CAMK1D: variants seen among roughly 807,000 people sequenced by gnomAD.
The protein encoded by CAMK1D is calcium/calmodulin-dependent protein kinase type 1D.
CAMK1D carries 9 observed loss-of-function variants against 47.7 expected under a neutral mutation model. The ratio of observed to expected loss-of-function variants is 0.19; its 90% CI spans 0.11 to 0.33. The LOEUF is 0.33. Among genes scored for constraint, CAMK1D ranks in the 10% least tolerant of loss-of-function variants. The pLI, the probability that CAMK1D is intolerant of heterozygous loss-of-function variation, is 1.00. For missense variants in CAMK1D, 291 were observed against 488.7 expected (o/e 0.60, Z 3.81); for synonymous variants, 184 against 184.9 (o/e 0.99, Z 0.04).
intron 1 of CAMK1D, among the ~76,000 whole-genome samples, chr10:12,469,931 T>C (rs1044625625): frequency 6.6e-6 from 1 of 152,218 alleles, no homozygotes; most frequent in African/African-American, 2.4e-5. Flanking sequence ...TATCGAACAC[T>C]TTATCAGGGC....
chr10:12,829,122 A>C lies in CAMK1D; in HGVS notation c.*235A>C. The stretch of plus-strand genomic sequence containing the variant: ...TTTCATAGGATCTGGTGCTGTATAT[A>C]CGAATCTTGCAAAGCTCTAACTGAA... On this transcript the variant is annotated 3_prime_UTR_variant, in exon 11 of 11. Transcript: ENST00000619168. The C allele has an allele frequency of 2.2e-6, 1 of 451,498 alleles. No individual in the cohort carries two copies. The highest frequency in any genetic ancestry group is 3.9e-6 in the Non-Finnish European group (1 of 255,548). 28.0% of individuals were successfully genotyped at this position (451,498 alleles called of 1,614,324 possible).
At chr10:12,492,073 T>C (rs962585230) in intron 1 of CAMK1D, among the ~76,000 whole-genome samples, 3 of 152,136 alleles carry the variant, frequency 2.0e-5, no homozygotes, top group Admixed American at 1.3e-4. Context: ...GTGTGAGCCA[T>C]CGTGCCTGGC....
chr10:12,466,041 G>C (rs759446069), intron 1 of CAMK1D, among the ~76,000 whole-genome samples: 6 of 152,182 alleles, frequency 3.9e-5, no homozygotes, highest in Non-Finnish European at 8.8e-5. Flanking sequence ...GTTATGGCTG[G>C]ATGCTGTGGC....
intron 3 of CAMK1D, among the ~76,000 whole-genome samples, chr10:12,737,222 T>A (rs1241137027): frequency 6.6e-6 from 1 of 152,102 alleles, no homozygotes; most frequent in Non-Finnish European, 1.5e-5. Flanking sequence ...TTTCCCTCCC[T>A]GTTGTTCCTG....
At chr10:12,759,784 T>G (rs888401593) in intron 3 of CAMK1D, among the ~76,000 whole-genome samples, 1 of 152,202 alleles carries the variant, frequency 6.6e-6, no homozygotes, top group African/African-American at 2.4e-5. Flanking sequence ...GTTGTTTGAT[T>G]AGTTTTTTTA....
At chr10:12,500,255 A>G (rs1834660597) in intron 1 of CAMK1D, among the ~76,000 whole-genome samples, 1 of 152,204 alleles carries the variant, frequency 6.6e-6, no homozygotes, top group Non-Finnish European at 1.5e-5. Flanking sequence ...AATAAGAGCA[A>G]GACTCTGTTT....
intron 2 of CAMK1D, among the ~76,000 whole-genome samples, chr10:12,621,438 C>T (rs1838993147): frequency 6.6e-6 from 1 of 152,146 alleles, no homozygotes. Flanking sequence ...TCTTTGGCTT[C>T]TTTCATCAGC....
chr10:12,599,987 C>G (rs12251050), intron 2 of CAMK1D, among the ~76,000 whole-genome samples: 11,512 of 152,124 alleles, frequency 0.076, 735 homozygotes, highest in African/African-American at 0.16. Flanking sequence ...TTCCTGTAGT[C>G]CTGGCTGCTT....
chr10:12,392,304 AAAAAC>A (rs915687944), intron 1 of CAMK1D, among the ~76,000 whole-genome samples: 9 of 152,296 alleles, frequency 5.9e-5, no homozygotes, highest in African/African-American at 2.2e-4. Flanking sequence ...TCTGTCTCAA[AAAAAC>A]AAAACAAAAT....
chr10:12,457,175 G>C (rs1833275841), intron 1 of CAMK1D, among the ~76,000 whole-genome samples: 2 of 152,140 alleles, frequency 1.3e-5, no homozygotes, highest in African/African-American at 4.8e-5. Context: ...CAGATCACTT[G>C]AGGTTGGGAG....
chr10:12,540,800 G>A (rs538347417), intron 1 of CAMK1D, among the ~76,000 whole-genome samples: 1 of 152,126 alleles, frequency 6.6e-6, no homozygotes, highest in South Asian at 2.1e-4. Flanking sequence ...CAGTAAGAAA[G>A]CGTAACTATT....
chr10:12,420,884 G>A (rs1840027844), intron 1 of CAMK1D, among the ~76,000 whole-genome samples: 1 of 152,164 alleles, frequency 6.6e-6, no homozygotes, highest in African/African-American at 2.4e-5. Context: ...CAGACAAGGG[G>A]GAGGTTGGCT....
At chr10:12,507,115 A>G (rs899520927) in intron 1 of CAMK1D, among the ~76,000 whole-genome samples, 7 of 152,222 alleles carry the variant, frequency 4.6e-5, no homozygotes, top group African/African-American at 1.7e-4. Flanking sequence ...ATTTCTGAAA[A>G]GTTCTGAGAA....
At chr10:12,417,869 T>C (rs1444328823) in intron 1 of CAMK1D, among the ~76,000 whole-genome samples, 1 of 152,050 alleles carries the variant, frequency 6.6e-6, no homozygotes, top group Non-Finnish European at 1.5e-5. Context: ...TGGCATGATC[T>C]TGGCTCACTG....
intron 1 of CAMK1D, among the ~76,000 whole-genome samples, chr10:12,482,734 G>A (rs1467923856): frequency 2.0e-5 from 3 of 152,150 alleles, no homozygotes; most frequent in Non-Finnish European, 4.4e-5. Flanking sequence ...ACATGTAATT[G>A]CATTTAGTGG....
intron 3 of CAMK1D, among the ~76,000 whole-genome samples, chr10:12,684,099 G>A (rs1201189170): frequency 6.6e-6 from 1 of 152,178 alleles, no homozygotes; most frequent in African/African-American, 2.4e-5. Flanking sequence ...GACATCACTA[G>A]TATACACTTG....
intron 1 of CAMK1D, among the ~76,000 whole-genome samples, chr10:12,444,537 A>G (rs1832875415): frequency 6.6e-6 from 1 of 152,190 alleles, no homozygotes; most frequent in Non-Finnish European, 1.5e-5. Flanking sequence ...TTGGTTTTAT[A>G]CATTTTAGAG....
chr10:12,706,547 A>C (rs1264430218), intron 3 of CAMK1D, among the ~76,000 whole-genome samples: 4 of 152,154 alleles, frequency 2.6e-5, no homozygotes, highest in Non-Finnish European at 5.9e-5. Flanking sequence ...CCTCATCTCT[A>C]TAAAAAATTT....
chr10:12,620,594 T>G (rs2132437962), intron 2 of CAMK1D, among the ~76,000 whole-genome samples: 1 of 152,374 alleles, frequency 6.6e-6, no homozygotes, highest in South Asian at 2.1e-4. Flanking sequence ...TTCATGTCTT[T>G]TGCTCATGTT....
Sources: gnomAD v4.1 joint callset for allele counts (sites outside exome capture counted in the v4.1 genomes callset) on GRCh38, gnomAD v4.1.1 for gene constraint, MANE v1.5 for transcripts, NCBI Gene and HGNC (gene_info 2026-07-23, HGNC 2026-07-21) for gene names.